BCAS1: variants seen among roughly 807,000 people sequenced by gnomAD.
The protein encoded by BCAS1 is brain enriched myelin associated protein 1.
In BCAS1, 46 loss-of-function variants were observed where a neutral mutation model predicts 65.4. That is an observed-to-expected ratio of 0.70 (90% CI 0.55 to 0.90). The LOEUF is 0.90. BCAS1 is among the 40% of genes least tolerant of loss of function. BCAS1 has a pLI of 0.00. For missense variants in BCAS1, 793 were observed against 771.2 expected (o/e 1.03, Z -0.33); for synonymous variants, 298 against 293.5 (o/e 1.02, Z -0.16).
intron 4 of BCAS1, among the ~76,000 whole-genome samples, chr20:54,008,024 T>G (rs1301117979): frequency 1.3e-5 from 2 of 152,034 alleles, no homozygotes; most frequent in African/African-American, 2.4e-5. Context: ...TACTCACAAA[T>G]CCTTTCCGAA....
At chr20:54,063,862 GCTAA>G (rs1003823009) in intron 1 of BCAS1, among the ~76,000 whole-genome samples, 2 of 152,172 alleles carry the variant, frequency 1.3e-5, no homozygotes, top group African/African-American at 4.8e-5. Flanking sequence ...AATTGAAAGA[GCTAA>G]CTTTCATTTT....
intron 4 of BCAS1, among the ~76,000 whole-genome samples, chr20:54,013,190 A>C (rs1188831561): frequency 6.6e-6 from 1 of 152,220 alleles, no homozygotes; most frequent in Non-Finnish European, 1.5e-5. Flanking sequence ...CCTAAAATCT[A>C]TGGAAGTGAA....
At chr20:53,986,939 T>G (rs1163396378) in intron 7 of BCAS1, among the ~76,000 whole-genome samples, 1 of 152,194 alleles carries the variant, frequency 6.6e-6, no homozygotes, top group Non-Finnish European at 1.5e-5. Context: ...CAGTATTTTT[T>G]GATCCTGGAA....
At chr20:54,034,583 G>GTTCATT in intron 3 of BCAS1, among the ~76,000 whole-genome samples, 1 of 151,208 alleles carries the variant, frequency 6.6e-6, no homozygotes, top group Non-Finnish European at 1.5e-5. Flanking sequence ...TTAGGGAGGT[G>GTTCATT]AAAGATCTCT....
intron 3 of BCAS1, among the ~76,000 whole-genome samples, chr20:54,037,279 GC>G (rs2091915802): frequency 6.6e-6 from 1 of 151,356 alleles, no homozygotes. Context: ...AGAAAGAAGT[GC>G]CAAATGAACA....
chr20:54,025,361 A>G (rs770559989), intron 4 of BCAS1, among the ~76,000 whole-genome samples: 2 of 152,186 alleles, frequency 1.3e-5, no homozygotes, highest in African/African-American at 4.8e-5. Flanking sequence ...CTGCCAACAC[A>G]TTGGTTTGTA....
chr20:53,970,136 T>C (rs2090142240), intron 9 of BCAS1, among the ~76,000 whole-genome samples: 1 of 152,212 alleles, frequency 6.6e-6, no homozygotes, highest in Non-Finnish European at 1.5e-5. Flanking sequence ...ATAAATAAAA[T>C]GATCAGATTG....
At chr20:54,024,913 T>A (rs1302007792) in intron 4 of BCAS1, among the ~76,000 whole-genome samples, 2 of 152,158 alleles carry the variant, frequency 1.3e-5, no homozygotes. Context: ...AAACACAGAA[T>A]ATTGTTCTTA....
At chr20:53,998,100 T>C (rs1163155584) in intron 4 of BCAS1, among the ~76,000 whole-genome samples, 4 of 152,132 alleles carry the variant, frequency 2.6e-5, no homozygotes, top group African/African-American at 9.7e-5. Context: ...TATTTCTATT[T>C]TGACCCCTTC....
At chr20:54,064,758 G>A (rs1318087590) in intron 1 of BCAS1, among the ~76,000 whole-genome samples, 1 of 152,220 alleles carries the variant, frequency 6.6e-6, no homozygotes, top group East Asian at 1.9e-4. Flanking sequence ...CCTTCTGAAA[G>A]TATCTTTCTT....
intron 4 of BCAS1, among the ~76,000 whole-genome samples, chr20:54,025,879 G>A (rs913199837): frequency 1.3e-5 from 2 of 152,110 alleles, no homozygotes; most frequent in Non-Finnish European, 2.9e-5. Flanking sequence ...CTATGCAGCC[G>A]GGAGTCAGAA....
chr20:54,057,704 A>C (rs1397713859), intron 3 of BCAS1, among the ~76,000 whole-genome samples: 2 of 152,218 alleles, frequency 1.3e-5, no homozygotes, highest in African/African-American at 4.8e-5. Flanking sequence ...GTGGGCCCTA[A>C]TCCAACATGA....
chr20:53,972,922 G>A (rs2090219436), intron 9 of BCAS1, among the ~76,000 whole-genome samples: 1 of 152,182 alleles, frequency 6.6e-6, no homozygotes, highest in Non-Finnish European at 1.5e-5. Flanking sequence ...CCAAGTGATA[G>A]GCTGTCAGAA....
At chr20:54,013,618 G>A (rs895878666) in intron 4 of BCAS1, among the ~76,000 whole-genome samples, 28 of 152,296 alleles carry the variant, frequency 1.8e-4, no homozygotes, top group African/African-American at 6.3e-4. Context: ...AAACTCACAC[G>A]TGTGAAATAA....
rs545329923 is a variant in BCAS1, at chr20:53,970,525, G to A, written c.1318-3452C>T. ...TGTTTCCTATTTAGAACATATGACC[G>A]CATCTGCACATTTTAATTTTGGATA... is the stretch of plus-strand genomic sequence containing the variant. On this transcript the variant is annotated intron_variant, in intron 9 of 12. Transcript: ENST00000688948. 2.6e-5 allele frequency among the ~76,000 whole-genome samples: 4 copies of A among 152,258 alleles called. No homozygotes were observed. The East Asian group carries it at 7.7e-4, about 29-fold the overall frequency.
chr20:54,040,434 A>G (rs1214139940), intron 3 of BCAS1, among the ~76,000 whole-genome samples: 1 of 151,224 alleles, frequency 6.6e-6, no homozygotes, highest in East Asian at 1.9e-4. Flanking sequence ...TTCAGGACAC[A>G]TAGAAGATTG....
In BCAS1 at chr20:54,058,674, C is replaced by T. The variant is rs1313731578; in HGVS notation, c.45G>A (p.Glu15=). The T allele has an allele frequency of 2.6e-6, 4 of 1,524,718 alleles. No individual in the cohort carries two copies. In the East Asian group the frequency reaches 1.0e-4, roughly 39 times the overall value. The allele number at this position is 1,524,718 out of a possible 1,614,324, so 94.4% of individuals were successfully genotyped here. The part of the protein sequence containing the change: ...MSVPQRVEDQ[E]NEPEAETYQD... The stretch of plus-strand genomic sequence containing the variant: ...GGTAAGTCTCTGCTTCTGGTTCATT[C>T]TCTTGGTCTTCAACTCTTTGGGGAA... Residue 15 remains glutamate (E), a synonymous_variant, in exon 2 of 13, where the codon GAG becomes GAA. Transcript: ENST00000688948.
At chr20:54,043,304 TGA>T in intron 3 of BCAS1, among the ~76,000 whole-genome samples, 1 of 147,724 alleles carries the variant, frequency 6.8e-6, no homozygotes, top group Non-Finnish European at 1.5e-5. Context: ...AACTTGATGA[TGA>T]TGATGATGAT....
At chr20:54,066,331 C>T (rs2092443152) in intron 1 of BCAS1, among the ~76,000 whole-genome samples, 1 of 152,216 alleles carries the variant, frequency 6.6e-6, no homozygotes, top group Non-Finnish European at 1.5e-5. Context: ...CTTGGCCTCC[C>T]AAAGTGCTGG....
Sources: allele counts gnomAD v4.1 joint callset (sites outside exome capture counted in the v4.1 genomes callset), GRCh38; gene constraint gnomAD v4.1.1; transcripts MANE v1.5; gene names NCBI Gene and HGNC (gene_info 2026-07-23, HGNC 2026-07-21).